The following AUTS2 variants were observed in gnomAD, a reference collection of about 807,000 sequenced individuals.
AUTS2 encodes the protein autism susceptibility gene 2 protein.
Under a neutral mutation model 112.4 loss-of-function variants are expected in AUTS2, and 17 were observed. That is an observed-to-expected ratio of 0.15 (90% CI 0.10 to 0.23). The LOEUF (loss-of-function observed/expected upper bound fraction) is 0.23, where lower values mean the gene tolerates loss of function less well. Among genes scored for constraint, AUTS2 ranks in the 10% least tolerant of loss-of-function variants. AUTS2 has a pLI of 1.00. For synonymous variants in AUTS2, 751 were observed against 702.7 expected, an observed-to-expected ratio of 1.07 and a Z score of -1.09; for missense variants, 1,510 against 1,701.6, an observed-to-expected ratio of 0.89 and a Z score of 1.98.
At chr7:70,328,742 A>G (rs1303004849) in intron 4 of AUTS2, among the ~76,000 whole-genome samples, 1 of 152,242 alleles carries the variant, frequency 6.6e-6, no homozygotes, top group Non-Finnish European at 1.5e-5. Context: ...GCAAGATTTA[A>G]GAGAATGGAA....
At chr7:70,449,761 T>C (rs1796455664) in intron 5 of AUTS2, among the ~76,000 whole-genome samples, 1 of 152,224 alleles carries the variant, frequency 6.6e-6, no homozygotes, top group Non-Finnish European at 1.5e-5. Context: ...AGATTAGTTC[T>C]ATCTTGCTTA....
intron 1 of AUTS2, among the ~76,000 whole-genome samples, chr7:69,785,450 G>A (rs549179590): frequency 2.4e-4 from 37 of 152,320 alleles, no homozygotes; most frequent in African/African-American, 8.4e-4. Context: ...TGTTTTTGTT[G>A]TTCTGTTTTA....
At chr7:69,935,132 A>G (rs1450259387) in intron 2 of AUTS2, among the ~76,000 whole-genome samples, 2 of 152,048 alleles carry the variant, frequency 1.3e-5, no homozygotes, top group African/African-American at 4.8e-5. Flanking sequence ...GCAAACAGTC[A>G]CATAATCACA....
intron 1 of AUTS2, among the ~76,000 whole-genome samples, chr7:69,716,248 G>A (rs1798606827): frequency 6.6e-6 from 1 of 151,066 alleles, no homozygotes; most frequent in African/African-American, 2.5e-5. Context: ...GTGTGTCTGT[G>A]TGTGTGTGTG....
chr7:69,637,890 C>T (rs1794622511), intron 1 of AUTS2, among the ~76,000 whole-genome samples: 1 of 152,064 alleles, frequency 6.6e-6, no homozygotes, highest in African/African-American at 2.4e-5. Context: ...ATTTGCAGCA[C>T]CTGAAAGTGC....
intron 1 of AUTS2, among the ~76,000 whole-genome samples, chr7:69,627,297 G>C (rs1260524508): frequency 6.6e-6 from 1 of 152,106 alleles, no homozygotes; most frequent in South Asian, 2.1e-4. Context: ...TTGAAAACCA[G>C]CCTGGCCAAC....
chr7:70,595,622 A>C (rs1052208656), intron 5 of AUTS2, among the ~76,000 whole-genome samples: 1 of 152,066 alleles, frequency 6.6e-6, no homozygotes, highest in Non-Finnish European at 1.5e-5. Flanking sequence ...GTCCAGGCCT[A>C]GCTTTTCCAC....
intron 7 of AUTS2, among the ~76,000 whole-genome samples, chr7:70,763,836 A>G (rs1355236397): frequency 3.9e-5 from 6 of 152,008 alleles, no homozygotes; most frequent in African/African-American, 1.4e-4. Context: ...ATTCTGATTT[A>G]CTTCCTCCTA....
chr7:70,449,697 A>G (rs553506275), intron 5 of AUTS2, among the ~76,000 whole-genome samples: 1 of 152,334 alleles, frequency 6.6e-6, no homozygotes, highest in Non-Finnish European at 1.5e-5. Context: ...CGTATTTACA[A>G]TTATGTATAA....
In AUTS2 at chr7:70,084,266, A is replaced by C. The variant is rs1395359458; in HGVS notation, c.523-33866A>C. ...CACATTGTGCTGTATATAATGTTTC[A>C]CAATATTACTCAATTTATGGATATA... On this transcript the variant is annotated intron_variant, in intron 2 of 18. Coordinates refer to ENST00000342771, the MANE Select transcript of AUTS2 (RefSeq NM_015570.4). 2.6e-5 allele frequency among the ~76,000 whole-genome samples: 4 copies of C among 152,060 alleles called. No individual in the cohort carries two copies. In the South Asian group the frequency reaches 8.3e-4, roughly 32 times the overall value.
intron 4 of AUTS2, among the ~76,000 whole-genome samples, chr7:70,424,402 G>T (rs1384844417): frequency 6.6e-6 from 1 of 152,198 alleles, no homozygotes; most frequent in Non-Finnish European, 1.5e-5. Flanking sequence ...CTGAGAGAGA[G>T]AGTGAGATGG....
At chr7:70,394,100 G>A (rs1054512743) in intron 4 of AUTS2, among the ~76,000 whole-genome samples, 3 of 151,522 alleles carry the variant, frequency 2.0e-5, no homozygotes, top group Non-Finnish European at 2.9e-5. Context: ...TATTCCCTTG[G>A]GAATTCACCT....
chr7:69,804,746 C>T (rs1393420783), intron 1 of AUTS2, among the ~76,000 whole-genome samples: 1 of 152,188 alleles, frequency 6.6e-6, no homozygotes, highest in African/African-American at 2.4e-5. Context: ...CGATTTGTAG[C>T]ATCTCTGGAT....
intron 4 of AUTS2, among the ~76,000 whole-genome samples, chr7:70,379,219 G>A (rs1196760379): frequency 6.6e-6 from 1 of 152,088 alleles, no homozygotes; most frequent in Non-Finnish European, 1.5e-5. Flanking sequence ...CTATTATTAG[G>A]GCGGGCACGG....
chr7:70,680,293 C>A (rs73704602), intron 5 of AUTS2, among the ~76,000 whole-genome samples: 4,968 of 152,246 alleles, frequency 0.033, 287 homozygotes, highest in African/African-American at 0.11. Flanking sequence ...AGAGATTATT[C>A]ATCCCAACTG....
intron 5 of AUTS2, among the ~76,000 whole-genome samples, chr7:70,581,386 CAATA>C (rs536831844): frequency 2.8e-4 from 42 of 151,988 alleles, no homozygotes; most frequent in African/African-American, 2.7e-4. Context: ...AACTCCGTCT[CAATA>C]AATAAATAAA....
intron 2 of AUTS2, among the ~76,000 whole-genome samples, chr7:70,110,056 A>G (rs1000425623): frequency 1.3e-5 from 2 of 152,166 alleles, no homozygotes; most frequent in Non-Finnish European, 2.9e-5. Context: ...TAGAGTTAAC[A>G]ATTCTCTTGA....
intron 5 of AUTS2, among the ~76,000 whole-genome samples, chr7:70,636,976 G>A (rs1805566517): frequency 6.6e-6 from 1 of 152,176 alleles, no homozygotes; most frequent in Non-Finnish European, 1.5e-5. Context: ...TATTTTGCAT[G>A]TAAGATGGCA....
chr7:70,099,415 T>G (rs1463777760), intron 2 of AUTS2, among the ~76,000 whole-genome samples: 1 of 152,200 alleles, frequency 6.6e-6, no homozygotes, highest in Non-Finnish European at 1.5e-5. Flanking sequence ...CGTGTTGAAT[T>G]TCTTCTGTAA....
Sources: gnomAD v4.1 joint callset for allele counts (sites outside exome capture counted in the v4.1 genomes callset) on GRCh38, gnomAD v4.1.1 for gene constraint, MANE v1.5 for transcripts, NCBI Gene and HGNC (gene_info 2026-07-23, HGNC 2026-07-21) for gene names.